Variants in FRMD4A observed in about 807,000 individuals in gnomAD.
FRMD4A encodes FERM domain containing 4A.
In FRMD4A, 29 loss-of-function variants were observed where a neutral mutation model predicts 129.1. The observed-to-expected ratio is 0.22, with a 90% confidence interval of 0.17 to 0.31. The LOEUF is 0.31. FRMD4A is among the 10% of genes least tolerant of loss of function. The probability of loss-of-function intolerance (pLI) is 1.00; values close to 1 mark genes in which losing one functional copy is unlikely to be tolerated. For synonymous variants in FRMD4A, 634 were observed against 571.6 expected, an observed-to-expected ratio of 1.11 and a Z score of -1.56; for missense variants, 1,272 against 1,375.8, an observed-to-expected ratio of 0.92 and a Z score of 1.19.
intron 2 of FRMD4A, among the ~76,000 whole-genome samples, chr10:14,284,439 G>C (rs1415930898): frequency 6.6e-6 from 1 of 152,100 alleles, no homozygotes; most frequent in Non-Finnish European, 1.5e-5. Flanking sequence ...ACGAGATCAG[G>C]ACATCAAGAC....
chr10:13,759,858 G>A (rs1346896746), intron 8 of FRMD4A, among the ~76,000 whole-genome samples: 2 of 151,976 alleles, frequency 1.3e-5, no homozygotes, highest in African/African-American at 4.8e-5. Flanking sequence ...AAAACTTGGA[G>A]AACTTAAATA....
intron 2 of FRMD4A, among the ~76,000 whole-genome samples, chr10:14,253,669 T>C (rs913607832): frequency 1.3e-5 from 2 of 152,230 alleles, no homozygotes; most frequent in Non-Finnish European, 2.9e-5. Flanking sequence ...ATAAAGATTC[T>C]TCACTGGAGT....
chr10:13,971,512 T>C (rs1459032771), intron 2 of FRMD4A: 1 of 426,558 alleles, frequency 2.3e-6, no homozygotes, highest in African/African-American at 2.1e-5. Context: ...AAGATGAGGC[T>C]CTGTTCATGT....
chr10:14,128,045 C>CCTCT (rs1839004635), intron 2 of FRMD4A, among the ~76,000 whole-genome samples: 2 of 75,512 alleles, frequency 2.6e-5, no homozygotes, highest in South Asian at 9.8e-4. Flanking sequence ...CCTTTCTTTC[C>CCTCT]CTCTTTCTTT....
intron 2 of FRMD4A, among the ~76,000 whole-genome samples, chr10:13,865,907 C>T (rs1388750635): frequency 2.0e-5 from 3 of 152,024 alleles, no homozygotes; most frequent in South Asian, 4.1e-4. Flanking sequence ...CACTGTGGGG[C>T]GGGGCTGAGG....
chr10:14,231,583 T>A (rs913635773), intron 2 of FRMD4A, among the ~76,000 whole-genome samples: 9 of 152,176 alleles, frequency 5.9e-5, no homozygotes, highest in Non-Finnish European at 2.9e-5. Context: ...CCTGACCTTT[T>A]GATCCGCCCA....
chr10:13,881,585 G>A (rs1036470077), intron 2 of FRMD4A, among the ~76,000 whole-genome samples: 2 of 152,120 alleles, frequency 1.3e-5, no homozygotes, highest in African/African-American at 2.4e-5. Flanking sequence ...AGAGATCTGC[G>A]CAGACAAGTC....
intron 2 of FRMD4A, among the ~76,000 whole-genome samples, chr10:14,036,832 C>T (rs763985927): frequency 6.6e-5 from 10 of 152,038 alleles, no homozygotes; most frequent in South Asian, 2.1e-4. Flanking sequence ...GTGATCTACC[C>T]GCCTCAGCCT....
intron 2 of FRMD4A, among the ~76,000 whole-genome samples, chr10:14,152,097 C>T (rs1327512959): frequency 7.2e-6 from 1 of 138,844 alleles, no homozygotes; most frequent in African/African-American, 2.7e-5. Context: ...ATAGCCAAAG[C>T]AGGATATGTT....
At chr10:13,648,907 T>G (rs2081327564) in intron 24 of FRMD4A, 1 of 152,174 alleles carries the variant, frequency 6.6e-6, no homozygotes, top group Non-Finnish European at 1.5e-5. Flanking sequence ...AGTAGTCCTG[T>G]GAGTTGCTCT....
At chr10:13,680,546 G>A (rs984564127) in intron 15 of FRMD4A, among the ~76,000 whole-genome samples, 10 of 151,312 alleles carry the variant, frequency 6.6e-5, no homozygotes, top group Non-Finnish European at 2.9e-5. Flanking sequence ...CCAACATGGC[G>A]AAACCCTGTC....
chr10:14,213,431 G>T (rs1815334397), intron 2 of FRMD4A, among the ~76,000 whole-genome samples: 1 of 152,126 alleles, frequency 6.6e-6, no homozygotes, highest in Non-Finnish European at 1.5e-5. Flanking sequence ...TTTGAGCTCA[G>T]AGAGGGTAAG....
chr10:14,116,972 C>G (rs1172974492), intron 2 of FRMD4A, among the ~76,000 whole-genome samples: 1 of 152,226 alleles, frequency 6.6e-6, no homozygotes, highest in Admixed American at 6.5e-5. Context: ...CCTAGCAGAC[C>G]TCCTGCAGCA....
chr10:13,659,587 A>ACTCCC, intron 20 of FRMD4A, 97 bp from the exon 21 acceptor site: 1 of 1,274,620 alleles, frequency 7.8e-7, no homozygotes, highest in Non-Finnish European at 1.1e-6. Flanking sequence ...CATGTGGGGA[A>ACTCCC]AGCTCGCCCG....
At chr10:14,055,471 AC>A (rs879437776) in intron 2 of FRMD4A, among the ~76,000 whole-genome samples, 4,207 of 110,386 alleles carry the variant, frequency 0.038, 93 homozygotes, top group African/African-American at 0.093. Flanking sequence ...AAACACACAC[AC>A]ACACACACAC....
chr10:14,210,425 C>T (rs924183610), intron 2 of FRMD4A, among the ~76,000 whole-genome samples: 1 of 152,146 alleles, frequency 6.6e-6, no homozygotes, highest in Admixed American at 6.5e-5. Flanking sequence ...TACAGCAGCC[C>T]AAACAGACTA....
intron 9 of FRMD4A, among the ~76,000 whole-genome samples, chr10:13,747,175 T>G (rs1001904997): frequency 6.8e-6 from 1 of 147,552 alleles, no homozygotes; most frequent in African/African-American, 2.5e-5. Flanking sequence ...TTTTGAAAAT[T>G]AAAAAAAAAA....
intron 2 of FRMD4A, among the ~76,000 whole-genome samples, chr10:14,067,329 A>G (rs1380291291): frequency 1.3e-5 from 2 of 152,088 alleles, no homozygotes; most frequent in Non-Finnish European, 2.9e-5. Context: ...AAAAAAAATT[A>G]GTATGTCTCA....
intron 3 of FRMD4A, among the ~76,000 whole-genome samples, chr10:13,819,103 G>C (rs1184241410): frequency 4.0e-5 from 6 of 150,192 alleles, no homozygotes; most frequent in Admixed American, 3.3e-4. Context: ...CCTCCAGCCT[G>C]GGTGACAGAG....
Sources: gnomAD v4.1 joint callset for allele counts (sites outside exome capture counted in the v4.1 genomes callset) on GRCh38, gnomAD v4.1.1 for gene constraint, MANE v1.5 for transcripts, NCBI Gene and HGNC (gene_info 2026-07-23, HGNC 2026-07-21) for gene names.